Variants in MDN1 observed in about 807,000 individuals in gnomAD.
MDN1 encodes midasin.
MDN1 carries 266 observed loss-of-function variants against 669.2 expected under a neutral mutation model. The observed-to-expected ratio is 0.40, with a 90% CI of 0.36 to 0.44. The LOEUF is 0.44. Ranked by LOEUF, MDN1 falls within the 20% of genes least tolerant of loss-of-function variation. MDN1 has a pLI of 1.00. For missense variants in MDN1, 5,940 were observed against 6,754.0 expected (o/e 0.88, Z 4.22); for synonymous variants, 2,385 against 2,457.1 (o/e 0.97, Z 0.87).
At chr6:89,722,784 T>G (rs895435160) in intron 40 of MDN1, among the ~76,000 whole-genome samples, 171 bp downstream of exon 40, 5 of 147,870 alleles carry the variant, frequency 3.4e-5, no homozygotes, top group African/African-American at 1.3e-4. Flanking sequence ...GAGGTGAAGC[T>G]GCAGCAAGCC....
At chr6:89,663,177 T>C (rs1184775936) in intron 85 of MDN1, among the ~76,000 whole-genome samples, 1 of 152,190 alleles carries the variant, frequency 6.6e-6, no homozygotes, top group Non-Finnish European at 1.5e-5. Context: ...AAGTCTATAA[T>C]GTGTGAACAG....
intron 100 of MDN1, 132 bp from the exon 101 acceptor site, chr6:89,645,289 G>A (rs1395797432): frequency 2.1e-6 from 2 of 959,732 alleles, no homozygotes; most frequent in Non-Finnish European, 2.9e-6. Context: ...CTCTAAAGCT[G>A]ATGAATTCTG....
At position 89,685,937 on chromosome 6, in the gene MDN1, G is replaced by C; in HGVS notation, c.11609C>G (p.Thr3870Arg). 1 of 1,613,784 alleles carries C rather than the reference G, an allele frequency of 6.2e-7. No homozygotes were observed. Residue 3870 changes from threonine to arginine, a missense_variant, in exon 70 of 102, where the codon ACA becomes AGA. Physicochemically the swap from Thr to Arg is moderately conservative, Grantham distance 71. Transcript: ENST00000369393. ...KQMTLMLLVS[T>R]LQAFIEGSSL... ...GGATCCTTCAATAAATGCTTGTAAT[G>C]TGCTGACCAGCAACATCAAGGTCAT...
At position 89,677,555 on chromosome 6, in the gene MDN1, C is replaced by G. The variant is rs748020828; in HGVS notation, c.12539+15G>C. On this transcript the variant is annotated intron_variant, in intron 76 of 101. Transcript: ENST00000369393. ...ATTTATAAGTAGGGAAAAAACAAAA[C>G]AAAAACAGACAAACCTAGAATCAGC... 6.2e-7 allele frequency: 1 copy of G among 1,612,458 alleles called. No individual in the cohort carries two copies. The highest frequency in any genetic ancestry group is 2.2e-5 in the East Asian group (1 of 44,872).
intron 15 of MDN1, among the ~76,000 whole-genome samples, chr6:89,770,856 T>G (rs1285667379): frequency 6.6e-6 from 1 of 152,212 alleles, no homozygotes; most frequent in Non-Finnish European, 1.5e-5. Context: ...TAATTGATTA[T>G]ATACTTGCCT....
At chr6:89,654,580 T>G (rs1809113614) in intron 92 of MDN1, among the ~76,000 whole-genome samples, 1 of 152,162 alleles carries the variant, frequency 6.6e-6, no homozygotes, top group South Asian at 2.1e-4. Flanking sequence ...ACTATACATG[T>G]GACACTGGCT....
intron 7 of MDN1, among the ~76,000 whole-genome samples, chr6:89,788,232 T>C (rs924504729): frequency 6.6e-5 from 10 of 152,094 alleles, no homozygotes; most frequent in African/African-American, 2.4e-4. Flanking sequence ...GCCTAGAGGC[T>C]GATGGGAGAG....
intron 2 of MDN1, among the ~76,000 whole-genome samples, chr6:89,795,002 C>T (rs935843045): frequency 6.6e-6 from 1 of 152,074 alleles, no homozygotes; most frequent in South Asian, 2.1e-4. Flanking sequence ...AACAGAACTC[C>T]CAAGGGTCTG....
chr6:89,655,829 A>C lies in MDN1; in HGVS notation c.15425T>G (p.Val5142Gly), dbSNP rs757846323. 6.2e-7 allele frequency: 1 copy of C among 1,613,874 alleles called. No individual in the cohort carries two copies. Among genetic ancestry groups the C allele is most frequent in the Admixed American group, 1.7e-5 (1 of 59,984 alleles). Reference protein sequence around the residue: ...QGPAQQPQAQVEDADAFEHIK... With the variant: ...QGPAQQPQAQGEDADAFEHIK... ...GTGCTCGAATGCATCTGCATCCTCCACCTGGGCCTGGGGCTGCTGAGCTGG... is the reference window on the plus strand; with the variant it reads ...GTGCTCGAATGCATCTGCATCCTCCCCCTGGGCCTGGGGCTGCTGAGCTGG... The change falls in exon 92 of 102, where the codon GTG becomes GGG. Residue 5142 changes from valine to glycine, a missense_variant. Physicochemically the swap from Val to Gly is moderately radical, Grantham distance 109 (BLOSUM62 -3). This residue lies in a region of MDN1 where 2,280 missense variants were observed against 2,576.3 expected (regional missense o/e 0.88). Coordinates refer to ENST00000369393, the MANE Select transcript of MDN1 (RefSeq NM_014611.3).
chr6:89,659,320 C>G (rs907213902), intron 88 of MDN1, among the ~76,000 whole-genome samples: 1 of 152,220 alleles, frequency 6.6e-6, no homozygotes, highest in African/African-American at 2.4e-5. Context: ...CTACAGTGAA[C>G]TATGATCATG....
chr6:89,762,747 A>T (rs766297460), intron 15 of MDN1, among the ~76,000 whole-genome samples: 5 of 152,212 alleles, frequency 3.3e-5, no homozygotes, highest in Non-Finnish European at 5.9e-5. Flanking sequence ...AACTATTATT[A>T]GATAAACAGT....
At chr6:89,761,138 C>T (rs1817524417) in intron 17 of MDN1, among the ~76,000 whole-genome samples, 1 of 152,012 alleles carries the variant, frequency 6.6e-6, no homozygotes, top group African/African-American at 2.4e-5. Flanking sequence ...TGCACTCCAG[C>T]CTGGGGGACA....
intron 48 of MDN1, 67 bp from the exon 49 acceptor site, chr6:89,712,323 G>T: frequency 7.3e-7 from 1 of 1,378,854 alleles, no homozygotes; most frequent in Non-Finnish European, 1.0e-6. Flanking sequence ...CCAAATAACT[G>T]AGAAAACCTC....
chr6:89,654,011 A>C (rs1171701147), intron 93 of MDN1, among the ~76,000 whole-genome samples, 153 bp downstream of exon 93: 1 of 152,204 alleles, frequency 6.6e-6, no homozygotes, highest in African/African-American at 2.4e-5. Flanking sequence ...TTCTGGTCCC[A>C]AACAAAATAT....
Position 89,756,234 on chromosome 6 carries a change from G to A in MDN1, c.2816+43C>T, listed in dbSNP as rs755384472. 6.3e-6 allele frequency: 6 copies of A among 957,008 alleles called. No individual in the cohort carries two copies. The African/African-American group carries it at 8.5e-5, about 14-fold the overall frequency. The allele number at this position is 957,008 out of a possible 1,614,324, so 59.3% of individuals were successfully genotyped here. ...GTGTGCACGAGTAGCACATTTTCAT[G>A]TTCAGAGAAAGAGCTTATAAAGACA... is the stretch of plus-strand genomic sequence containing the variant. On this transcript the variant is annotated intron_variant, in intron 20 of 101. Transcript: ENST00000369393.
At chr6:89,685,489 G>A (rs1047140668) in intron 70 of MDN1, among the ~76,000 whole-genome samples, 9 of 152,042 alleles carry the variant, frequency 5.9e-5, no homozygotes, top group African/African-American at 1.9e-4. Flanking sequence ...GCTCTCACTG[G>A]ATGAAAGAAA....
Position 89,776,654 on chromosome 6 carries a change from G to C in MDN1, c.1767C>G (p.Ser589Arg), listed in dbSNP as rs1022008639. Residue 589 changes from serine (S) to arginine (R), a missense_variant, in exon 12 of 102, where the codon AGC (serine) becomes AGG (arginine). Ser to Arg is a moderately radical substitution (Grantham distance 110, BLOSUM62 -1). This residue lies in a region of MDN1 where 1,203 missense variants were observed against 1,268.9 expected (regional missense o/e 0.95). Transcript: ENST00000369393. ...CAATAACTTCTGCCATTTTCAGTTT[G>C]CTTGTATGCTCAGAAAGCATTGCTG... is the stretch of plus-strand genomic sequence containing the variant. ...CFTAMLSEHT[S>R]KLKMAEVIGS... is the part of the protein sequence containing the mutation. The C allele has an allele frequency of 1.2e-6, 2 of 1,613,232 alleles. No homozygotes were observed. The highest frequency in any genetic ancestry group is 2.7e-5 in the African/African-American group (2 of 74,880).
chr6:89,804,263 G>A (rs952055522), intron 1 of MDN1, among the ~76,000 whole-genome samples: 17 of 152,156 alleles, frequency 1.1e-4, no homozygotes, highest in Admixed American at 2.6e-4. Context: ...AAGCAGAGAC[G>A]AGTCCTGGGT....
chr6:89,700,594 AGAG>A (rs1813086704), intron 56 of MDN1, 49 bp downstream of exon 56: 1 of 1,563,070 alleles, frequency 6.4e-7, no homozygotes, highest in Admixed American at 1.7e-5. Flanking sequence ...ACTACCAGCA[AGAG>A]GATATTTTCA....
Sources: allele counts gnomAD v4.1 joint callset (sites outside exome capture counted in the v4.1 genomes callset), GRCh38; gene constraint gnomAD v4.1.1; regional missense constraint gnomAD v4.1.1; transcripts MANE v1.5; gene names NCBI Gene and HGNC (gene_info 2026-07-23, HGNC 2026-07-21).